The following RBMS3 variants were observed in gnomAD, a reference collection of about 807,000 sequenced individuals.
RBMS3 encodes the protein RNA-binding motif, single-stranded-interacting protein 3.
A neutral mutation model predicts 66.8 loss-of-function variants in RBMS3; 27 were observed. The ratio of observed to expected loss-of-function variants is 0.40; its 90% CI spans 0.30 to 0.56. The LOEUF (loss-of-function observed/expected upper bound fraction) is 0.56, where lower values mean the gene tolerates loss of function less well. RBMS3 is among the 20% of genes least tolerant of loss of function. The pLI, the probability that RBMS3 is intolerant of heterozygous loss-of-function variation, is 0.40. For synonymous variants in RBMS3, 188 were observed against 183.0 expected, an observed-to-expected ratio of 1.03 and a Z score of -0.22; for missense variants, 513 against 549.5, an observed-to-expected ratio of 0.93 and a Z score of 0.66.
intron 1 of RBMS3, among the ~76,000 whole-genome samples, chr3:29,358,411 G>A (rs944165154): frequency 1.3e-5 from 2 of 152,148 alleles, no homozygotes; most frequent in East Asian, 3.9e-4. Context: ...CTGTATCTCT[G>A]TTTTGGTACC....
At chr3:29,539,364 A>G (rs1576164873) in intron 3 of RBMS3, among the ~76,000 whole-genome samples, 1 of 152,330 alleles carries the variant, frequency 6.6e-6, no homozygotes, top group East Asian at 1.9e-4. Flanking sequence ...TTCTGCTTTA[A>G]TATAGAGCAA....
At chr3:29,960,714 G>T (rs1696374368) in intron 12 of RBMS3, among the ~76,000 whole-genome samples, 1 of 152,106 alleles carries the variant, frequency 6.6e-6, no homozygotes, top group African/African-American at 2.4e-5. Context: ...GCACCTGCAG[G>T]CTCAACACCA....
intron 3 of RBMS3, among the ~76,000 whole-genome samples, chr3:29,581,389 G>A (rs1177585537): frequency 6.6e-6 from 1 of 152,082 alleles, no homozygotes; most frequent in Non-Finnish European, 1.5e-5. Context: ...TAGAAATACA[G>A]CAGAAATACA....
intron 1 of RBMS3, among the ~76,000 whole-genome samples, chr3:29,294,267 C>T (rs971406699): frequency 6.6e-6 from 1 of 151,746 alleles, no homozygotes; most frequent in African/African-American, 2.4e-5. Context: ...TGTCAAAAGA[C>T]ATCTTTTTTA....
At chr3:29,453,831 G>A (rs1387426351) in intron 2 of RBMS3, among the ~76,000 whole-genome samples, 2 of 152,122 alleles carry the variant, frequency 1.3e-5, no homozygotes, top group Non-Finnish European at 2.9e-5. Context: ...CAGCCTGCTG[G>A]CATCTCCCTT....
At chr3:29,992,656 G>A (rs1057258697) in intron 14 of RBMS3, among the ~76,000 whole-genome samples, 1 of 152,122 alleles carries the variant, frequency 6.6e-6, no homozygotes, top group Non-Finnish European at 1.5e-5. Context: ...GAGAGAGCAT[G>A]CTCAGTTCAG....
chr3:29,436,315 T>C (rs2041401839), intron 2 of RBMS3, among the ~76,000 whole-genome samples: 1 of 152,228 alleles, frequency 6.6e-6, no homozygotes, highest in African/African-American at 2.4e-5. Context: ...CATAACTGTC[T>C]AATTGTTTGA....
At chr3:29,952,666 C>G (rs1017741120) in intron 12 of RBMS3, among the ~76,000 whole-genome samples, 1 of 151,842 alleles carries the variant, frequency 6.6e-6, no homozygotes, top group African/African-American at 2.4e-5. Context: ...CTTACCCAAT[C>G]AAGCTGATAT....
At chr3:29,958,917 A>G (rs1696221487) in intron 12 of RBMS3, among the ~76,000 whole-genome samples, 1 of 152,188 alleles carries the variant, frequency 6.6e-6, no homozygotes, top group Non-Finnish European at 1.5e-5. Flanking sequence ...ATAAAGCATG[A>G]AAGTTCAGCT....
At chr3:29,824,090 G>A (rs1459022541) in intron 6 of RBMS3, among the ~76,000 whole-genome samples, 1 of 151,782 alleles carries the variant, frequency 6.6e-6, no homozygotes, top group Non-Finnish European at 1.5e-5. Context: ...TAGTTGCTAT[G>A]GTCTTAATGT....
chr3:29,897,448 T>C lies in RBMS3; in HGVS notation c.861T>C (p.Ile287=). ...CACAGACATCTATCACGCCATTCAT[T>C]GCTGCTTCCCCTGTCTCCACATACC... is the stretch of plus-strand genomic sequence containing the variant. The part of the protein sequence containing the change: ...MIPQTSITPF[I]AASPVSTYQV... Residue 287 remains isoleucine, a synonymous_variant, in exon 9 of 15, where the codon ATT becomes ATC. Transcript: ENST00000383767. The C allele has an allele frequency of 5.0e-6, 8 of 1,611,118 alleles. No individual in the cohort carries two copies. Among genetic ancestry groups the C allele is most frequent in the Non-Finnish European group, 5.9e-6 (7 of 1,178,012 alleles).
chr3:29,520,080 G>T (rs2044796107), intron 3 of RBMS3, among the ~76,000 whole-genome samples: 1 of 151,930 alleles, frequency 6.6e-6, no homozygotes, highest in Non-Finnish European at 1.5e-5. Context: ...GCTAAATCTG[G>T]CAACCTAGTC....
chr3:29,361,003 G>T (rs12487831), intron 1 of RBMS3, among the ~76,000 whole-genome samples: 15,127 of 151,800 alleles, frequency 0.1, 1,636 homozygotes, highest in African/African-American at 0.26. Context: ...CTTTATCCAG[G>T]TTGACAGTCT....
chr3:29,917,676 G>A lies in RBMS3; in HGVS notation c.939+17921G>A, dbSNP rs1252958627. On this transcript the variant is annotated intron_variant, in intron 10 of 14. Transcript: ENST00000383767. ...GGGTCATGGGAGGCAGAAAACAACC[G>A]TCAACTCCCACTAAACTAATAGTGG... is the stretch of plus-strand genomic sequence containing the variant. Among the ~76,000 whole-genome samples the A allele has an allele frequency of 5.3e-5, 8 of 152,068 alleles. No individual in the cohort carries two copies. The East Asian group carries it at 9.7e-4, about 18-fold the overall frequency.
At chr3:29,599,723 G>C (rs75983358) in intron 4 of RBMS3, among the ~76,000 whole-genome samples, 2 of 152,064 alleles carry the variant, frequency 1.3e-5, no homozygotes, top group Non-Finnish European at 2.9e-5. Context: ...ACAAAACCTA[G>C]CTCTTCGTAT....
chr3:29,978,943 G>A (rs1697781965), intron 12 of RBMS3, among the ~76,000 whole-genome samples: 1 of 152,146 alleles, frequency 6.6e-6, no homozygotes, highest in East Asian at 1.9e-4. Flanking sequence ...AGACCAGTCT[G>A]GGCAAGACCC....
chr3:29,757,428 C>A (rs2055468779), intron 5 of RBMS3, among the ~76,000 whole-genome samples: 1 of 152,092 alleles, frequency 6.6e-6, no homozygotes, highest in African/African-American at 2.4e-5. Flanking sequence ...AATCTCTTTG[C>A]AGTCCAAATA....
At chr3:29,563,916 T>A (rs1218113053) in intron 3 of RBMS3, among the ~76,000 whole-genome samples, 10 of 149,536 alleles carry the variant, frequency 6.7e-5, no homozygotes, top group Admixed American at 6.0e-4. Context: ...CCTCAGGAGG[T>A]TGAGGTGAGA....
chr3:29,651,310 G>C (rs2050137136), intron 4 of RBMS3, among the ~76,000 whole-genome samples: 2 of 152,134 alleles, frequency 1.3e-5, no homozygotes, highest in Non-Finnish European at 2.9e-5. Context: ...GAAAATTAGA[G>C]AAAACTCAAG....
Sources: gnomAD v4.1 joint callset for allele counts (sites outside exome capture counted in the v4.1 genomes callset) on GRCh38, gnomAD v4.1.1 for gene constraint, MANE v1.5 for transcripts, NCBI Gene and HGNC (gene_info 2026-07-23, HGNC 2026-07-21) for gene names.